The following CDH15 variants were observed in gnomAD, a reference collection of about 807,000 sequenced individuals.
CDH15 encodes the protein cadherin 15.
CDH15 carries 73 observed loss-of-function variants against 69.4 expected under a neutral mutation model. The observed-to-expected ratio is 1.05, with a 90% CI of 0.87 to 1.28. The LOEUF (loss-of-function observed/expected upper bound fraction) is 1.28, where lower values mean the gene tolerates loss of function less well. CDH15 is among the 50% of genes most tolerant of loss of function. The pLI, the probability that CDH15 is intolerant of heterozygous loss-of-function variation, is 0.00. For missense variants in CDH15, 1,343 were observed against 1,133.6 expected, an observed-to-expected ratio of 1.18 and a Z score of -2.65; for synonymous variants, 624 against 507.7, an observed-to-expected ratio of 1.23 and a Z score of -3.08.
intron 1 of CDH15, among the ~76,000 whole-genome samples, chr16:89,177,619 C>T (rs1915286686): frequency 6.6e-6 from 1 of 152,062 alleles, no homozygotes; most frequent in Non-Finnish European, 1.5e-5. Flanking sequence ...CCTGTTTCCT[C>T]CTCCCTCATC....
At chr16:89,172,882 C>T (rs1915186079) in intron 1 of CDH15, among the ~76,000 whole-genome samples, 1 of 152,190 alleles carries the variant, frequency 6.6e-6, no homozygotes, top group Non-Finnish European at 1.5e-5. Flanking sequence ...TCACAGTATT[C>T]ATTGCTCTTG....
Position 89,192,384 on chromosome 16 carries a change from G to A in CDH15, c.1795G>A (p.Gly599Ser), listed in dbSNP as rs1279324838. 2.6e-6 allele frequency: 4 copies of A among 1,537,328 alleles called. No homozygotes were observed. The South Asian group carries it at 3.6e-5, about 14-fold the overall frequency. The change falls in exon 11 of 14, where the codon GGC (glycine) becomes AGC (serine). Residue 599 changes from glycine (G) to serine (S), a missense_variant. Physicochemically the swap from Gly to Ser is moderately conservative, Grantham distance 56. Transcript: ENST00000289746. ...GGGGGCCGCAGCGCTGCTGGCGGGG[G>A]GCACAGGCCTCAGCCTGGGCGCACT... ...LPGAAALLAGGTGLSLGALVI... is the reference protein window; with the variant it reads ...LPGAAALLAGSTGLSLGALVI...
chr16:89,184,633 T>A (rs1431597395), intron 4 of CDH15, among the ~76,000 whole-genome samples: 1 of 152,088 alleles, frequency 6.6e-6, no homozygotes, highest in Non-Finnish European at 1.5e-5. Context: ...GCATCCTCTG[T>A]CTTATCCTGT....
intron 3 of CDH15, 48 bp downstream of exon 3, chr16:89,180,403 G>T: frequency 1.3e-6 from 2 of 1,584,462 alleles, no homozygotes; most frequent in Admixed American, 3.5e-5. Flanking sequence ...AGGCCTGGTG[G>T]AAAGCCAGTG....
rs779657883 is a variant in CDH15, at chr16:89,191,666, C to G, written c.1387C>G (p.Arg463Gly). ...CTCCTCGCCTGCAGCCTCCCAGCCC[C>G]GCACCGCCACCGGCACCCTGTCCAT... ...VLAQDDASQP[R>G]TATGTLSIEI... The change falls in exon 10 of 14, where the codon CGC (arginine) becomes GGC (glycine). Residue 463 changes from arginine (R) to glycine (G), a missense_variant. Arg to Gly is a moderately radical substitution (Grantham distance 125, BLOSUM62 -2). Coordinates refer to ENST00000289746, the MANE Select transcript of CDH15 (RefSeq NM_004933.3). 2.3e-5 allele frequency: 37 copies of G among 1,591,076 alleles called. No individual in the cohort carries two copies. Among genetic ancestry groups the G allele is most frequent in the Middle Eastern group, 1.7e-4 (1 of 6,042 alleles).
chr16:89,187,547 C>T lies in CDH15; in HGVS notation c.782C>T (p.Thr261Ile), dbSNP rs587780301. Residue 261 changes from threonine to isoleucine, a missense_variant, in exon 6 of 14, where the codon ACC becomes ATC. Coordinates refer to ENST00000289746, the MANE Select transcript of CDH15 (RefSeq NM_004933.3). ...DDINDNAPEF[T>I]RDEFFMEAIE... Reference sequence around the variant, plus strand: ...ATCAATGACAATGCCCCCGAGTTCACCAGGGATGAGGTGCTGCTGCTGTCC... The same window carrying T: ...ATCAATGACAATGCCCCCGAGTTCATCAGGGATGAGGTGCTGCTGCTGTCC... The T allele has an allele frequency of 6.2e-7, 1 of 1,613,578 alleles. No homozygotes were observed. The highest frequency in any genetic ancestry group is 1.7e-5 in the Admixed American group (1 of 60,030).
rs201455140 is a variant in CDH15, at chr16:89,185,210, C to T, written c.540C>T (p.Asp180=). 1.4e-5 allele frequency: 23 copies of T among 1,604,140 alleles called. No individual in the cohort carries two copies. The East Asian group carries it at 2.5e-4, about 17-fold the overall frequency. Residue 180 remains aspartate (D), a synonymous_variant, in exon 5 of 14, where the codon GAC becomes GAT. Coordinates refer to ENST00000289746, the MANE Select transcript of CDH15 (RefSeq NM_004933.3). ...YVTRAEATDA[D]DPETDNAALR... The stretch of plus-strand genomic sequence containing the variant: ...CCAGGGCAGAGGCCACAGATGCCGA[C>T]GACCCCGAGACGGACAACGCAGCGC...
chr16:89,184,179 C>T (rs905270472), intron 4 of CDH15, among the ~76,000 whole-genome samples: 1 of 152,182 alleles, frequency 6.6e-6, no homozygotes. Context: ...GGACTGTGGC[C>T]AGGCCTGGCC....
At chr16:89,174,203 G>A (rs1915212235) in intron 1 of CDH15, among the ~76,000 whole-genome samples, 1 of 152,220 alleles carries the variant, frequency 6.6e-6, no homozygotes, top group African/African-American at 2.4e-5. Context: ...TGGGGCCCAG[G>A]GAAGATGCTC....
chr16:89,185,214 C>T lies in CDH15; in HGVS notation c.544C>T (p.Pro182Ser). ...TRAEATDADDPETDNAALRFS... is the reference protein window; with the variant it reads ...TRAEATDADDSETDNAALRFS... ...GGCAGAGGCCACAGATGCCGACGACCCCGAGACGGACAACGCAGCGCTGCG... is the reference window on the plus strand; with the variant it reads ...GGCAGAGGCCACAGATGCCGACGACTCCGAGACGGACAACGCAGCGCTGCG... Residue 182 changes from proline to serine, a missense_variant, in exon 5 of 14, where the codon CCC becomes TCC. Physicochemically the swap from Pro to Ser is moderately conservative, Grantham distance 74. Transcript: ENST00000289746. 3.7e-6 allele frequency: 6 copies of T among 1,604,314 alleles called. No individual in the cohort carries two copies. Among genetic ancestry groups the T allele is most frequent in the Non-Finnish European group, 5.1e-6 (6 of 1,176,228 alleles).
At position 89,194,980 on chromosome 16, in the gene CDH15, G is replaced by A; in HGVS notation, c.2270G>A (p.Gly757Asp). 6.2e-7 allele frequency: 1 copy of A among 1,611,384 alleles called. No individual in the cohort carries two copies. Residue 757 changes from glycine (G) to aspartate (D), a missense_variant, in exon 14 of 14, where the codon GGC becomes GAC. Coordinates refer to ENST00000289746, the MANE Select transcript of CDH15 (RefSeq NM_004933.3). ...GTLSSILSSQ[G>D]DEDQDYDYLR... ...CTGAGCTCCATCCTGTCCAGCCAGG[G>A]CGATGAGGACCAGGACTACGACTAC...
chr16:89,188,394 G>GCA, intron 7 of CDH15, 109 bp downstream of exon 7: 1 of 654,478 alleles, frequency 1.5e-6, no homozygotes. Flanking sequence ...ACAGATGCCG[G>GCA]CACACACACA....
Position 89,190,426 on chromosome 16 carries a change from G to A in CDH15, c.1162G>A (p.Ala388Thr), listed in dbSNP as rs747009056. The A allele has an allele frequency of 5.0e-6, 8 of 1,609,772 alleles. No individual in the cohort carries two copies. In the African/African-American group the frequency reaches 1.1e-4, roughly 21 times the overall value. ...NPLRTSLAEG[A>T]PPGTLVATFS... ...ACTTCGGACCAGCCTAGCAGAGGGG[G>A]CACCCCCAGGCACTCTGGTGGCCAC... The change falls in exon 8 of 14, where the codon GCA becomes ACA. Residue 388 changes from alanine (A) to threonine (T), a missense_variant. Transcript: ENST00000289746.
intron 1 of CDH15, among the ~76,000 whole-genome samples, chr16:89,177,769 G>T (rs899314801): frequency 6.6e-6 from 1 of 152,190 alleles, no homozygotes; most frequent in African/African-American, 2.4e-5. Context: ...GTGCCGAGCC[G>T]AGTGGGGTCA....
chr16:89,190,403 TTC>T lies in CDH15; in HGVS notation c.1140_1141del (p.Arg381AspfsTer22), dbSNP rs1915610781. The T allele has an allele frequency of 1.2e-6, 2 of 1,612,498 alleles. No homozygotes were observed. Among genetic ancestry groups the T allele is most frequent in the Admixed American group, 3.3e-5 (2 of 59,938 alleles). On this transcript the variant is annotated frameshift_variant, in exon 8 of 14. Coordinates refer to ENST00000289746, the MANE Select transcript of CDH15 (RefSeq NM_004933.3). LOFTEE classifies it high-confidence loss of function. The stretch of plus-strand genomic sequence containing the variant: ...CCCCCCGTGTTCCAGGAGAACCCAC[TTC>T]GGACCAGCCTAGCAGAGGGGGCACC...
At chr16:89,192,486 G>GGACCCTCA (rs1567777112) in intron 11 of CDH15, 42 bp downstream of exon 11, 1 of 1,555,604 alleles carries the variant, frequency 6.4e-7, no homozygotes, top group East Asian at 2.4e-5. Context: ...TCGGACCCTC[G>GGACCCTCA]GACCCTCCTC....
chr16:89,186,106 CTGTAAAGGCTT>C (rs1240353724), intron 5 of CDH15: 1 of 147,562 alleles, frequency 6.8e-6, no homozygotes. Flanking sequence ...AGTAGGTGCT[CTGTAAAGGCTT>C]ACCCAGCGCA....
intron 3 of CDH15, among the ~76,000 whole-genome samples, chr16:89,181,142 TATTTTTAGTAGAGATGGG>T: frequency 6.6e-6 from 1 of 152,262 alleles, no homozygotes; most frequent in East Asian, 1.9e-4. Flanking sequence ...TTAATTTTTG[TATTTTTAGTAGAGATGGG>T]GTTTCACCAT....
At chr16:89,172,981 C>G (rs1419618347) in intron 1 of CDH15, among the ~76,000 whole-genome samples, 1 of 152,130 alleles carries the variant, frequency 6.6e-6, no homozygotes. Context: ...TTCCTGAGTC[C>G]CCTCATTCCC....
Sources: allele counts gnomAD v4.1 joint callset (sites outside exome capture counted in the v4.1 genomes callset), GRCh38; gene constraint gnomAD v4.1.1; transcripts MANE v1.5; gene names NCBI Gene and HGNC (gene_info 2026-07-23, HGNC 2026-07-21).